The following WDR55 variants were observed in gnomAD, a reference collection of about 807,000 sequenced individuals.
WDR55 encodes WD repeat-containing protein 55.
Under a neutral mutation model 34.0 loss-of-function variants are expected in WDR55, and 31 were observed. The observed-to-expected ratio is 0.91, with a 90% CI of 0.69 to 1.23. WDR55 has a LOEUF of 1.23. Ranked by LOEUF, WDR55 falls within the 50% of genes most tolerant of loss-of-function variation. The pLI, the probability that WDR55 is intolerant of heterozygous loss-of-function variation, is 0.00. For missense variants in WDR55, 440 were observed against 494.6 expected (o/e 0.89, Z 1.05); for synonymous variants, 164 against 185.9 (o/e 0.88, Z 0.96).
At chr5:140,665,132 G>A in intron 1 of WDR55, 29 bp downstream of exon 1, 1 of 1,541,484 alleles carries the variant, frequency 6.5e-7, no homozygotes, top group Non-Finnish European at 8.8e-7. Flanking sequence ...CGGGGCGCCG[G>A]GTCTGGAAGC....
chr5:140,668,281 C>G lies in WDR55; in HGVS notation c.239C>G (p.Ser80Ter). The G allele has an allele frequency of 6.2e-7, 1 of 1,613,862 alleles. No individual in the cohort carries two copies. Residue 80 changes from serine to a stop codon, truncating the protein, a stop_gained, in exon 2 of 7, where the codon TCA becomes TGA. Transcript: ENST00000358337. LOFTEE classifies it high-confidence loss of function. ...GGAGAAACCAAGGAGCTCTGGTCAT[C>G]AGGTCACCATCTCAAGGCCTGCCGA... The part of the protein sequence containing the change: ...QEGETKELWS[S>*]GHHLKACRAV...
At position 140,671,589 on chromosome 5, in the gene WDR55, G is replaced by A. The variant is rs185834706; in HGVS notation, c.*1935G>A. ...TGGCACAGCAACTGCAGGGTAGCCC[G>A]AGCCCCTTGGAACCCTAACTTGTCC... On this transcript the variant is annotated 3_prime_UTR_variant, in exon 7 of 7. Transcript: ENST00000358337. 43 of 1,568,800 alleles carry A rather than the reference G, an allele frequency of 2.7e-5. No individual in the cohort carries two copies. In the East Asian group the frequency reaches 5.0e-4, roughly 18 times the overall value.
At chr5:140,667,796 T>C (rs900277274) in intron 1 of WDR55, 8 of 157,216 alleles carry the variant, frequency 5.1e-5, no homozygotes, top group Non-Finnish European at 1.1e-4. Flanking sequence ...GTACTCTCAA[T>C]GTACTGTAAT....
In WDR55 at chr5:140,669,267, G is replaced by A. The variant is rs1758006453; in HGVS notation, c.830+19G>A. On this transcript the variant is annotated intron_variant, in intron 6 of 6. Coordinates refer to ENST00000358337, the MANE Select transcript of WDR55 (RefSeq NM_017706.5). The stretch of plus-strand genomic sequence containing the variant: ...TCATCAGGTGAGGGAAGCCTGGACA[G>A]CCCTTAGGTCACAGGAAGGGCAGAC... 6.2e-7 allele frequency: 1 copy of A among 1,613,230 alleles called. No homozygotes were observed. The highest frequency in any genetic ancestry group is 8.5e-7 in the Non-Finnish European group (1 of 1,179,868).
Position 140,668,825 on chromosome 5 carries a change from C to G in WDR55, c.560+34C>G, listed in dbSNP as rs773117651. On this transcript the variant is annotated intron_variant, in intron 4 of 6. Coordinates refer to ENST00000358337, the MANE Select transcript of WDR55 (RefSeq NM_017706.5). ...TCAAAGCTGCCTTGCCTCCCCTCCC[C>G]TCCCTGTGTGAAATGTCTTCCTCAA... 3.1e-6 allele frequency: 5 copies of G among 1,613,422 alleles called. No homozygotes were observed. In the Admixed American group the frequency reaches 6.7e-5, roughly 22 times the overall value.
Position 140,669,466 on chromosome 5 carries a change from T to A in WDR55, c.964T>A (p.Trp322Arg). The A allele has an allele frequency of 6.2e-7, 1 of 1,614,144 alleles. No individual in the cohort carries two copies. The highest frequency in any genetic ancestry group is 8.5e-7 in the Non-Finnish European group (1 of 1,180,028). ...SSGHDQRLKF[W>R]DMAQLRAVVV... ...TGGCCATGACCAGCGCCTCAAGTTTTGGGACATGGCCCAGCTGCGAGCTGT... is the reference window on the plus strand; with the variant it reads ...TGGCCATGACCAGCGCCTCAAGTTTAGGGACATGGCCCAGCTGCGAGCTGT... The change falls in exon 7 of 7, where the codon TGG becomes AGG. Residue 322 changes from tryptophan (W) to arginine (R), a missense_variant. Trp to Arg is a moderately radical substitution (Grantham distance 101). Transcript: ENST00000358337.
intron 4 of WDR55, 33 bp from the exon 5 acceptor site, chr5:140,668,858 T>G: frequency 6.2e-7 from 1 of 1,614,090 alleles, no homozygotes; most frequent in South Asian, 1.1e-5. Flanking sequence ...CAAATAGACC[T>G]TGCGTCTAAG....
In WDR55 at chr5:140,669,485, G is replaced by C; in HGVS notation, c.983G>C (p.Arg328Pro). 6.2e-7 allele frequency: 1 copy of C among 1,614,140 alleles called. No homozygotes were observed. The highest frequency in any genetic ancestry group is 8.5e-7 in the Non-Finnish European group (1 of 1,180,018). The change falls in exon 7 of 7, where the codon CGA (arginine) becomes CCA (proline). Residue 328 changes from arginine to proline, a missense_variant. Physicochemically the swap from Arg to Pro is moderately radical, Grantham distance 103 (BLOSUM62 -2). Coordinates refer to ENST00000358337, the MANE Select transcript of WDR55 (RefSeq NM_017706.5). ...AAGTTTTGGGACATGGCCCAGCTGC[G>C]AGCTGTGGTGGTGGATGACTACCGT... ...RLKFWDMAQL[R>P]AVVVDDYRRR...
intron 1 of WDR55, among the ~76,000 whole-genome samples, chr5:140,666,123 G>A (rs981134989): frequency 2.0e-5 from 3 of 151,976 alleles, no homozygotes; most frequent in African/African-American, 4.8e-5. Context: ...TGGGCCGGGC[G>A]TGGTGGCTCA....
At chr5:140,668,376 G>A (rs1262281918) in intron 2 of WDR55, 39 bp from the exon 3 acceptor site, 6 of 1,614,114 alleles carry the variant, frequency 3.7e-6, no homozygotes, top group South Asian at 2.2e-5. Flanking sequence ...GTGGAAGGGA[G>A]CAGTGAGCAG....
chr5:140,666,882 GCTC>G, intron 1 of WDR55: 1 of 985,310 alleles, frequency 1.0e-6, no homozygotes, highest in Non-Finnish European at 1.2e-6. Flanking sequence ...TAGGGTAGAT[GCTC>G]AACACATGTT....
chr5:140,666,520 G>C lies in WDR55; in HGVS notation c.191+1417G>C, dbSNP rs74335760. 3,206 of 639,186 alleles carry C rather than the reference G, an allele frequency of 5.0e-3. 92 individuals are homozygous for C. The African/African-American group carries it at 0.058, about 12-fold the overall frequency. 39.6% of individuals were successfully genotyped at this position (639,186 alleles called of 1,614,324 possible). A position where few individuals can be genotyped will look rare whatever the true frequency, so the allele number is the denominator to read the frequency against. ...TCTCTTCCCTCTTCCTCTCTCCCCA[G>C]ACTAAAATTGGTTACCTGTTAGATG... is the stretch of plus-strand genomic sequence containing the variant. On this transcript the variant is annotated intron_variant, in intron 1 of 6. Transcript: ENST00000358337.
intron 1 of WDR55, chr5:140,667,086 A>T (rs1757942840): frequency 2.0e-6 from 2 of 985,344 alleles, no homozygotes; most frequent in African/African-American, 3.5e-5. Flanking sequence ...AGTTTGCAGT[A>T]CAGCACCTAA....
rs901976733 is a variant in WDR55, at chr5:140,669,546, G to A, written c.1044G>A (p.Leu348=). ...RKKKGGPLRA[L]SSKTWSTDDF... ...AAAAGGGAGGACCACTGCGGGCTCT[G>A]AGCAGCAAGACTTGGAGCACCGATG... The change falls in exon 7 of 7, where the codon CTG becomes CTA. Residue 348 remains leucine (L), a synonymous_variant. Transcript: ENST00000358337. The A allele has an allele frequency of 6.2e-7, 1 of 1,613,976 alleles. No individual in the cohort carries two copies. The highest frequency in any genetic ancestry group is 8.5e-7 in the Non-Finnish European group (1 of 1,179,992).
chr5:140,671,175 T>G lies in WDR55; in HGVS notation c.*1521T>G. 6.8e-6 allele frequency: 9 copies of G among 1,321,214 alleles called. No individual in the cohort carries two copies. Among genetic ancestry groups the G allele is most frequent in the African/African-American group, 1.5e-5 (1 of 68,806 alleles). The allele number at this position is 1,321,214 out of a possible 1,614,324, so 81.8% of individuals were successfully genotyped here. The stretch of plus-strand genomic sequence containing the variant: ...GTCCCAGCAGGGAGGCTGATGGGCC[T>G]GGGCCCATGCCCCTCCCCACCTTTG... On this transcript the variant is annotated 3_prime_UTR_variant, in exon 7 of 7. Transcript: ENST00000358337.
rs1466920314 is a variant in WDR55, at chr5:140,672,251, G to A, written c.*2597G>A. ...AGAATTAAGTCAGGAGGTAATGCTC[G>A]GGAAGTGTCACAAATTTAGGTAAGC... On this transcript the variant is annotated 3_prime_UTR_variant, in exon 7 of 7. Transcript: ENST00000358337. 7.9e-6 allele frequency: 5 copies of A among 636,788 alleles called. No homozygotes were observed. The highest frequency in any genetic ancestry group is 1.4e-5 in the Non-Finnish European group (5 of 370,020). 39.4% of individuals were successfully genotyped at this position (636,788 alleles called of 1,614,324 possible).
In WDR55 at chr5:140,671,514, C is replaced by T. The variant is rs1311657543; in HGVS notation, c.*1860C>T. 1.9e-6 allele frequency: 3 copies of T among 1,583,970 alleles called. No individual in the cohort carries two copies. Among genetic ancestry groups the T allele is most frequent in the Non-Finnish European group, 2.6e-6 (3 of 1,166,806 alleles). Reference sequence around the variant, plus strand: ...CAGAAGCGGTGCCAGCCAGCAGGTCCTATGCCCAAACACTTGGTGAGGAAC... The same window carrying T: ...CAGAAGCGGTGCCAGCCAGCAGGTCTTATGCCCAAACACTTGGTGAGGAAC... On this transcript the variant is annotated 3_prime_UTR_variant, in exon 7 of 7. Coordinates refer to ENST00000358337, the MANE Select transcript of WDR55 (RefSeq NM_017706.5).
rs745373026 is a variant in WDR55, at chr5:140,669,627, G to A, written c.1125G>A (p.Lys375=). The part of the protein sequence containing the change: ...EGEDSMAQEE[K]EETGDDSD ...AAGACTCCATGGCTCAGGAAGAAAA[G>A]GAGGAGACTGGGGATGACAGTGACT... The change falls in exon 7 of 7, where the codon AAG becomes AAA. Residue 375 remains lysine (K), a synonymous_variant. Coordinates refer to ENST00000358337, the MANE Select transcript of WDR55 (RefSeq NM_017706.5). 29 of 1,613,664 alleles carry A rather than the reference G, an allele frequency of 1.8e-5. No homozygotes were observed. Among genetic ancestry groups the A allele is most frequent in the Non-Finnish European group, 2.5e-5 (29 of 1,179,812 alleles).
chr5:140,672,296 G>A lies in WDR55; in HGVS notation c.*2642G>A, dbSNP rs1758102819. ...GTAAGCGGTGGTGGTAGCACCATTG[G>A]AAGTTTTAAAAATCTGAGATCAAAT... On this transcript the variant is annotated 3_prime_UTR_variant, in exon 7 of 7. Coordinates refer to ENST00000358337, the MANE Select transcript of WDR55 (RefSeq NM_017706.5). 2.4e-6 allele frequency: 2 copies of A among 842,712 alleles called. No homozygotes were observed. The highest frequency in any genetic ancestry group is 1.8e-6 in the Non-Finnish European group (1 of 545,062). The allele number at this position is 842,712 out of a possible 1,614,324, so 52.2% of individuals were successfully genotyped here. A position where few individuals can be genotyped will look rare whatever the true frequency, so the allele number is the denominator to read the frequency against.
Sources: allele counts gnomAD v4.1 joint callset (sites outside exome capture counted in the v4.1 genomes callset), GRCh38; gene constraint gnomAD v4.1.1; transcripts MANE v1.5; gene names NCBI Gene and HGNC (gene_info 2026-07-23, HGNC 2026-07-21).